ARHGAP31: variants seen among roughly 807,000 people sequenced by gnomAD.
The protein encoded by ARHGAP31 is rho GTPase-activating protein 31.
ARHGAP31 carries 34 observed loss-of-function variants against 113.9 expected under a neutral mutation model. The observed-to-expected ratio is 0.30, with a 90% CI of 0.23 to 0.40. ARHGAP31 has a LOEUF of 0.40. ARHGAP31 is among the 10% of genes least tolerant of loss of function. The pLI is 1.00. For missense variants in ARHGAP31, 1,548 were observed against 1,767.1 expected, an observed-to-expected ratio of 0.88 and a Z score of 2.22; for synonymous variants, 650 against 684.8, an observed-to-expected ratio of 0.95 and a Z score of 0.79.
In ARHGAP31 at chr3:119,419,118, A is replaced by T. The variant is rs1443239154; in HGVS notation, c.*2854A>T. ...GATGGGAATCAGATAGTCTGCTTCCATTCAGGAGAGGGACAGAACAGGAGC... is the reference window on the plus strand; with the variant it reads ...GATGGGAATCAGATAGTCTGCTTCCTTTCAGGAGAGGGACAGAACAGGAGC... On this transcript the variant is annotated 3_prime_UTR_variant, in exon 12 of 12. Transcript: ENST00000264245. 1 of 152,170 alleles carries T rather than the reference A, an allele frequency of 6.6e-6. No homozygotes were observed. Among genetic ancestry groups the T allele is most frequent in the Non-Finnish European group, 1.5e-5 (1 of 68,058 alleles). 9.4% of individuals were successfully genotyped at this position (152,170 alleles called of 1,614,324 possible).
At chr3:119,336,757 A>T (rs1483102014) in intron 1 of ARHGAP31, among the ~76,000 whole-genome samples, 1 of 152,190 alleles carries the variant, frequency 6.6e-6, no homozygotes, top group Admixed American at 6.5e-5. Context: ...ATCTTACAAC[A>T]TTTGCATCAC....
At chr3:119,344,944 CTGCTGGTGGGATTTTTTTT>C (rs902552729) in intron 1 of ARHGAP31, among the ~76,000 whole-genome samples, 3 of 146,264 alleles carry the variant, frequency 2.1e-5, no homozygotes, top group African/African-American at 7.9e-5. Context: ...AGAAATTTCA[CTGCTGGTGGGATTTTTTTT>C]TGCTGGTGGG....
At chr3:119,346,372 C>G (rs1456353061) in intron 1 of ARHGAP31, among the ~76,000 whole-genome samples, 1 of 152,230 alleles carries the variant, frequency 6.6e-6, no homozygotes, top group African/African-American at 2.4e-5. Flanking sequence ...AGGGGAGAGA[C>G]AGCCTCTGGC....
At chr3:119,326,009 G>C (rs1406626106) in intron 1 of ARHGAP31, among the ~76,000 whole-genome samples, 1 of 152,078 alleles carries the variant, frequency 6.6e-6, no homozygotes, top group Non-Finnish European at 1.5e-5. Context: ...TGGCCAACAT[G>C]GTGAAACCCG....
chr3:119,299,016 G>A (rs1472904852), intron 1 of ARHGAP31: 1 of 184,296 alleles, frequency 5.4e-6, no homozygotes, highest in Admixed American at 5.3e-5. Flanking sequence ...CTTGTAAGGA[G>A]TTGAGTCCTT....
chr3:119,416,256 A>G lies in ARHGAP31; in HGVS notation c.4327A>G (p.Ile1443Val). 6.2e-7 allele frequency: 1 copy of G among 1,613,890 alleles called. No individual in the cohort carries two copies. Among genetic ancestry groups the G allele is most frequent in the South Asian group, 1.1e-5 (1 of 91,088 alleles). ...VILDGRSGRQIE is the reference protein window; with the variant it reads ...VILDGRSGRQVE ...TCTGGATGGAAGAAGTGGGAGGCAA[A>G]TAGAATGATTTCGGTTCACCTGCTG... Residue 1443 changes from isoleucine to valine, a missense_variant, in exon 12 of 12, where the codon ATA becomes GTA. Transcript: ENST00000264245.
chr3:119,388,317 T>C (rs2080472401), intron 6 of ARHGAP31, among the ~76,000 whole-genome samples: 1 of 148,910 alleles, frequency 6.7e-6, no homozygotes, highest in South Asian at 2.1e-4. Flanking sequence ...TTTATATATA[T>C]ATATATATGT....
At chr3:119,319,162 C>T (rs2079760235) in intron 1 of ARHGAP31, among the ~76,000 whole-genome samples, 1 of 151,360 alleles carries the variant, frequency 6.6e-6, no homozygotes, top group East Asian at 1.9e-4. Flanking sequence ...AGACACCAAC[C>T]ACAGAGATTA....
rs148942160 is a variant in ARHGAP31, at chr3:119,346,143, G to A, written c.101-19173G>A. On this transcript the variant is annotated intron_variant, in intron 1 of 11. Coordinates refer to ENST00000264245, the MANE Select transcript of ARHGAP31 (RefSeq NM_020754.4). The stretch of plus-strand genomic sequence containing the variant: ...ACTGCTTTCCTCTGTGTTCCCACCA[G>A]GGGCCCTAGCCTGAGGCTACCCACT... 2.1e-3 allele frequency among the ~76,000 whole-genome samples: 327 copies of A among 152,296 alleles called. 1 individual carries two copies. The highest frequency in any genetic ancestry group is 3.7e-3 in the Non-Finnish European group (251 of 68,018).
chr3:119,397,653 C>T (rs960646684), intron 8 of ARHGAP31, among the ~76,000 whole-genome samples: 3 of 152,242 alleles, frequency 2.0e-5, no homozygotes, highest in African/African-American at 7.2e-5. Flanking sequence ...AGAGAGAAGC[C>T]TCAAGCTGGG....
At chr3:119,295,978 C>A (rs2079530685) in intron 1 of ARHGAP31, among the ~76,000 whole-genome samples, 1 of 152,038 alleles carries the variant, frequency 6.6e-6, no homozygotes, top group Admixed American at 6.6e-5. Flanking sequence ...GAAGCTTCAG[C>A]GAGAGGAAAA....
At position 119,382,324 on chromosome 3, in the gene ARHGAP31, A is replaced by G. The variant is rs2080407811; in HGVS notation, c.464A>G (p.His155Arg). The G allele has an allele frequency of 1.2e-6, 2 of 1,614,160 alleles. No individual in the cohort carries two copies. Among genetic ancestry groups the G allele is most frequent in the Non-Finnish European group, 1.7e-6 (2 of 1,180,028 alleles). Residue 155 changes from histidine to arginine, a missense_variant, in exon 5 of 12, where the codon CAT becomes CGT. Coordinates refer to ENST00000264245, the MANE Select transcript of ARHGAP31 (RefSeq NM_020754.4). ...GAATACCTGATTCGACACCTGGCCC[A>G]TATCGCCTCCTTCAGCAGCAAGACC... ...TLEYLIRHLA[H>R]IASFSSKTNM...
intron 1 of ARHGAP31, among the ~76,000 whole-genome samples, chr3:119,337,076 C>T (rs1164374116): frequency 6.6e-6 from 1 of 152,098 alleles, no homozygotes; most frequent in Admixed American, 6.5e-5. Context: ...GAATTGTTTC[C>T]ACTTTTTGGC....
chr3:119,357,522 A>G (rs2107619259), intron 1 of ARHGAP31, among the ~76,000 whole-genome samples: 1 of 152,322 alleles, frequency 6.6e-6, no homozygotes, highest in African/African-American at 2.4e-5. Context: ...ATCAAATCTC[A>G]GTTTTTAAAA....
At chr3:119,389,177 A>G (rs1166722494) in intron 6 of ARHGAP31, among the ~76,000 whole-genome samples, 1 of 151,960 alleles carries the variant, frequency 6.6e-6, no homozygotes, top group Non-Finnish European at 1.5e-5. Flanking sequence ...ACAAAAAAAC[A>G]AAAACTTAAC....
intron 1 of ARHGAP31, among the ~76,000 whole-genome samples, chr3:119,312,027 A>G (rs1164072602): frequency 1.3e-5 from 2 of 152,152 alleles, no homozygotes; most frequent in Non-Finnish European, 2.9e-5. Context: ...ATCTGCCTGA[A>G]CTCTCTGTTT....
Position 119,332,342 on chromosome 3 carries a change from G to A in ARHGAP31, c.101-32974G>A, listed in dbSNP as rs188459860. Among the ~76,000 whole-genome samples, 66 of 152,034 alleles carry A rather than the reference G, an allele frequency of 4.3e-4. No individual in the cohort carries two copies. The East Asian group carries it at 5.1e-3, about 12-fold the overall frequency. On this transcript the variant is annotated intron_variant, in intron 1 of 11. Coordinates refer to ENST00000264245, the MANE Select transcript of ARHGAP31 (RefSeq NM_020754.4). ...AGCCTCCCAAGTGGCTGGGATTACA[G>A]GCGCCCGACACCATGCCTGGCTAAT...
chr3:119,309,133 T>C (rs2079656583), intron 1 of ARHGAP31, among the ~76,000 whole-genome samples: 1 of 152,176 alleles, frequency 6.6e-6, no homozygotes, highest in African/African-American at 2.4e-5. Context: ...TGAGCCACCG[T>C]GCCTGGCCAA....
chr3:119,384,875 C>G (rs1043619991), intron 6 of ARHGAP31, among the ~76,000 whole-genome samples: 9 of 151,866 alleles, frequency 5.9e-5, no homozygotes, highest in Non-Finnish European at 8.8e-5. Flanking sequence ...ATGGATTTGC[C>G]TTTTCTGGAC....
Sources: allele counts gnomAD v4.1 joint callset (sites outside exome capture counted in the v4.1 genomes callset), GRCh38; gene constraint gnomAD v4.1.1; transcripts MANE v1.5; gene names NCBI Gene and HGNC (gene_info 2026-07-23, HGNC 2026-07-21).